MPDZ: variants seen among roughly 807,000 people sequenced by gnomAD.
MPDZ encodes the protein multiple PDZ domain protein.
A neutral mutation model predicts 239.1 loss-of-function variants in MPDZ; 234 were observed. That is an observed-to-expected ratio of 0.98 (90% CI 0.88 to 1.09). The LOEUF (loss-of-function observed/expected upper bound fraction) is 1.09, where lower values mean the gene tolerates loss of function less well. Among genes scored for constraint, MPDZ ranks in the 50% least tolerant of loss-of-function variants. The pLI is 0.00. For missense variants in MPDZ, 3,175 were observed against 2,510.0 expected (o/e 1.26, Z -5.66); for synonymous variants, 1,048 against 881.3 (o/e 1.19, Z -3.35).
At position 13,115,294 on chromosome 9, in the gene MPDZ, T is replaced by A. The variant is rs1250973649; in HGVS notation, c.5420A>T (p.Lys1807Ile). ...GTVTLEVGRI[K>I]AGPFHSERRP... The stretch of plus-strand genomic sequence containing the variant: ...CCTCTCTGAATGGAATGGACCAGCT[T>A]TGATTCTTCCAACTTCCAAGGTTAC... Residue 1807 changes from lysine to isoleucine, a missense_variant, in exon 40 of 47, where the codon AAA becomes ATA. Coordinates refer to ENST00000319217, the MANE Select transcript of MPDZ (RefSeq NM_001378778.1). 6.2e-7 allele frequency: 1 copy of A among 1,612,760 alleles called. No homozygotes were observed. Among genetic ancestry groups the A allele is most frequent in the Admixed American group, 1.7e-5 (1 of 60,014 alleles).
chr9:13,235,732 A>C (rs904852247), intron 3 of MPDZ, among the ~76,000 whole-genome samples: 9 of 152,156 alleles, frequency 5.9e-5, no homozygotes, highest in Admixed American at 2.0e-4. Context: ...TCAAAATGTA[A>C]ATTTTCTGCA....
At position 13,190,306 on chromosome 9, in the gene MPDZ, A is replaced by G; in HGVS notation, c.1969-7T>C. The G allele has an allele frequency of 6.5e-7, 1 of 1,528,890 alleles. No individual in the cohort carries two copies. The highest frequency in any genetic ancestry group is 2.3e-5 in the East Asian group (1 of 43,670). 94.7% of individuals were successfully genotyped at this position (1,528,890 alleles called of 1,614,324 possible). A position where few individuals can be genotyped will look rare whatever the true frequency, so the allele number is the denominator to read the frequency against. The stretch of plus-strand genomic sequence containing the variant: ...CACCTAGATCTACGTGAGGCTGGAT[A>G]ATATCAGACAGCTCTTATTTCAGAG... On this transcript the variant is annotated splice_polypyrimidine_tract_variant and splice_region_variant and intron_variant, in intron 15 of 46. Transcript: ENST00000319217.
chr9:13,145,110 T>C (rs1276271610), intron 26 of MPDZ, among the ~76,000 whole-genome samples: 2 of 152,080 alleles, frequency 1.3e-5, no homozygotes, highest in African/African-American at 2.4e-5. Flanking sequence ...AATTTGGCCC[T>C]GATAGCAAAG....
At chr9:13,184,657 G>A (rs1156402543) in intron 18 of MPDZ, among the ~76,000 whole-genome samples, 1 of 151,820 alleles carries the variant, frequency 6.6e-6, no homozygotes, top group South Asian at 2.1e-4. Flanking sequence ...CAACAATCTA[G>A]ATAGACACTA....
chr9:13,260,956 A>AT (rs1970552436), intron 1 of MPDZ, among the ~76,000 whole-genome samples: 1 of 152,206 alleles, frequency 6.6e-6, no homozygotes, highest in Non-Finnish European at 1.5e-5. Flanking sequence ...ATCATGTACT[A>AT]TGCTTCGCCC....
At chr9:13,127,920 T>A (rs1006728894) in intron 32 of MPDZ, among the ~76,000 whole-genome samples, 4 of 152,220 alleles carry the variant, frequency 2.6e-5, no homozygotes, top group African/African-American at 4.8e-5. Flanking sequence ...GATTTTCTTA[T>A]CTACAAAATG....
chr9:13,110,064 C>T lies in MPDZ; in HGVS notation c.5830G>A (p.Val1944Met), dbSNP rs769487090. 2.5e-6 allele frequency: 4 copies of T among 1,611,248 alleles called. No homozygotes were observed. Among genetic ancestry groups the T allele is most frequent in the Non-Finnish European group, 2.5e-6 (3 of 1,178,500 alleles). The change falls in exon 45 of 47, where the codon GTG (valine) becomes ATG (methionine). Residue 1944 changes from valine (V) to methionine (M), a missense_variant and splice_region_variant. Physicochemically the swap from Val to Met is conservative, Grantham distance 21 (BLOSUM62 1). Transcript: ENST00000319217. ...KNASGSIEMQ[V>M]VAGGDVSVVT... ...ACACTCACGTCTCCTCCAGCAACCACCTGCGCACAGGAGGAGGATAAACAG... is the reference window on the plus strand; with the variant it reads ...ACACTCACGTCTCCTCCAGCAACCATCTGCGCACAGGAGGAGGATAAACAG...
In MPDZ at chr9:13,192,130, C is replaced by T. The variant is rs1426662226; in HGVS notation, c.1968+1G>A. The stretch of plus-strand genomic sequence containing the variant: ...TAGCCTCATGTATGCAAATCTGATA[C>T]CTTTTCTGTTAGCTCAATATCACAT... On this transcript the variant is annotated splice_donor_variant, in intron 15 of 46. Coordinates refer to ENST00000319217, the MANE Select transcript of MPDZ (RefSeq NM_001378778.1). LOFTEE classifies it high-confidence loss of function. 3.1e-6 allele frequency: 5 copies of T among 1,589,474 alleles called. No individual in the cohort carries two copies. The highest frequency in any genetic ancestry group is 3.4e-6 in the Non-Finnish European group (4 of 1,166,658).
At position 13,247,724 on chromosome 9, in the gene MPDZ, T is replaced by C; in HGVS notation, c.94A>G (p.Lys32Glu). ...AGGACTGACTTCAGAAGGCTCAGTT[T>C]GTCTTCATTTGCTACATCCCCACGT... is the stretch of plus-strand genomic sequence containing the variant. ...RERGDVANED[K>E]LSLLKSVLQS... Residue 32 changes from lysine (K) to glutamate (E), a missense_variant, in exon 3 of 47, where the codon AAA becomes GAA. By Grantham distance (56) the Lys-to-Glu change is moderately conservative. Transcript: ENST00000319217. The C allele has an allele frequency of 1.2e-6, 2 of 1,613,680 alleles. No individual in the cohort carries two copies. The highest frequency in any genetic ancestry group is 1.3e-5 in the African/African-American group (1 of 75,024).
intron 3 of MPDZ, among the ~76,000 whole-genome samples, chr9:13,241,657 G>A (rs1024332940): frequency 2.0e-5 from 3 of 152,166 alleles, no homozygotes; most frequent in African/African-American, 7.2e-5. Flanking sequence ...AAACAAAACA[G>A]TATCTTTCTG....
chr9:13,112,630 T>C lies in MPDZ; in HGVS notation c.5601+381A>G, dbSNP rs182965455. On this transcript the variant is annotated intron_variant, in intron 42 of 46. Transcript: ENST00000319217. The stretch of plus-strand genomic sequence containing the variant: ...GTGTCTATAAGAGTGCTCAGAACAA[T>C]AGTAAAAGCTCAATAAATCACAGCT... Among the ~76,000 whole-genome samples the C allele has an allele frequency of 9.1e-4, 139 of 152,308 alleles. 1 individual carries two copies. Among genetic ancestry groups the C allele is most frequent in the Middle Eastern group, 3.4e-3 (1 of 294 alleles).
At chr9:13,150,462 A>G (rs777025062) in intron 25 of MPDZ, 49 bp downstream of exon 25, 5 of 1,367,480 alleles carry the variant, frequency 3.7e-6, no homozygotes, top group Non-Finnish European at 3.9e-6. Flanking sequence ...AAATAAATAA[A>G]TAAAACAAAA....
At chr9:13,158,444 A>T (rs986825055) in intron 23 of MPDZ, among the ~76,000 whole-genome samples, 1 of 152,136 alleles carries the variant, frequency 6.6e-6, no homozygotes, top group African/African-American at 2.4e-5. Flanking sequence ...CCATTGAACA[A>T]GCATGTCTTA....
rs374215043 is a variant in MPDZ, at chr9:13,211,435, C to T, written c.1291-5336G>A. Among the ~76,000 whole-genome samples, 15 of 152,076 alleles carry T rather than the reference C, an allele frequency of 9.9e-5. 1 individual carries two copies. The highest frequency in any genetic ancestry group is 3.1e-4 in the African/African-American group (13 of 41,518). On this transcript the variant is annotated intron_variant, in intron 10 of 46. Coordinates refer to ENST00000319217, the MANE Select transcript of MPDZ (RefSeq NM_001378778.1). ...TCAGAGACAAAAAGTTTAGAAAGTCCGCTAAAACATTCTCTTTCTGTAAAG... is the reference window on the plus strand; with the variant it reads ...TCAGAGACAAAAAGTTTAGAAAGTCTGCTAAAACATTCTCTTTCTGTAAAG...
At position 13,187,721 on chromosome 9, in the gene MPDZ, G is replaced by A. The variant is rs1380415268; in HGVS notation, c.2364+1063C>T. Reference sequence around the variant, plus strand: ...TCACAAAAATCAACAAACCCATATTGCTACTTACGAAATTATATTTATGTG... The same window carrying A: ...TCACAAAAATCAACAAACCCATATTACTACTTACGAAATTATATTTATGTG... On this transcript the variant is annotated intron_variant, in intron 17 of 46. Coordinates refer to ENST00000319217, the MANE Select transcript of MPDZ (RefSeq NM_001378778.1). Among the ~76,000 whole-genome samples the A allele has an allele frequency of 3.9e-4, 56 of 145,292 alleles. 1 individual carries two copies. In the Admixed American group the frequency reaches 3.9e-3, roughly 10 times the overall value.
intron 12 of MPDZ, among the ~76,000 whole-genome samples, chr9:13,199,211 G>A (rs1166751288): frequency 6.6e-6 from 1 of 151,958 alleles, no homozygotes; most frequent in African/African-American, 2.4e-5. Context: ...AGGTTTCACT[G>A]CAGAAATCTT....
At chr9:13,143,336 C>CTTTGTTT (rs113342217) in intron 27 of MPDZ, 130 bp downstream of exon 27, 12 of 681,850 alleles carry the variant, frequency 1.8e-5, no homozygotes, top group African/African-American at 1.6e-4. Context: ...CTCCAAACAG[C>CTTTGTTT]TTTGTTTTTT....
At chr9:13,109,228 C>T (rs1240176521) in intron 45 of MPDZ, among the ~76,000 whole-genome samples, 169 bp from the exon 46 acceptor site, 1 of 151,836 alleles carries the variant, frequency 6.6e-6, no homozygotes, top group African/African-American at 2.4e-5. Context: ...GCATGCTGTG[C>T]TTGGTATTTT....
At position 13,236,233 on chromosome 9, in the gene MPDZ, A is replaced by G. The variant is rs1319019673; in HGVS notation, c.183+11402T>C. On this transcript the variant is annotated intron_variant, in intron 3 of 46. Coordinates refer to ENST00000319217, the MANE Select transcript of MPDZ (RefSeq NM_001378778.1). ...TGTGTGTGTGTGTGTGTGTATATGT[A>G]TATGTGTGTGTGTGTGTATATATAT... Among the ~76,000 whole-genome samples the G allele has an allele frequency of 4.9e-3, 121 of 24,892 alleles. 1 individual carries two copies. Among genetic ancestry groups the G allele is most frequent in the African/African-American group, 0.013 (113 of 8,654 alleles). The allele number at this position is 24,892 out of a possible 152,430, so 16.3% of individuals were successfully genotyped here.
Sources: allele counts gnomAD v4.1 joint callset (sites outside exome capture counted in the v4.1 genomes callset), GRCh38; gene constraint gnomAD v4.1.1; transcripts MANE v1.5; gene names NCBI Gene and HGNC (gene_info 2026-07-23, HGNC 2026-07-21).